DIP2C: variants seen among roughly 807,000 people sequenced by gnomAD.
DIP2C encodes the protein disco-interacting protein 2 homolog C.
In DIP2C, 33 loss-of-function variants were observed where a neutral mutation model predicts 192.4. That is an observed-to-expected ratio of 0.17 (90% confidence interval 0.13 to 0.23). The LOEUF is 0.23. Among genes scored for constraint, DIP2C ranks in the 10% least tolerant of loss-of-function variants. DIP2C has a pLI of 1.00. For missense variants in DIP2C, 1,537 were observed against 2,110.1 expected, an observed-to-expected ratio of 0.73 and a Z score of 5.32; for synonymous variants, 979 against 864.1, an observed-to-expected ratio of 1.13 and a Z score of -2.33.
chr10:578,813 GCATA>G lies in DIP2C; in HGVS notation c.86-92287_86-92284del, dbSNP rs780310052. Among the ~76,000 whole-genome samples the G allele has an allele frequency of 2.4e-4, 34 of 143,250 alleles. 1 individual carries two copies. Among genetic ancestry groups the G allele is most frequent in the East Asian group, 2.2e-3 (11 of 5,088 alleles). The allele number at this position is 143,250 out of a possible 152,430, so 94.0% of individuals were successfully genotyped here. A position where few individuals can be genotyped will look rare whatever the true frequency, so the allele number is the denominator to read the frequency against. On this transcript the variant is annotated intron_variant, in intron 1 of 36. Transcript: ENST00000280886. ...TAAGTGCACTATAACATGTGTGCAT[GCATA>G]GAGAGCACACACATCCAGATCCATA...
At chr10:627,490 C>T (rs1854270028) in intron 1 of DIP2C, among the ~76,000 whole-genome samples, 3 of 152,346 alleles carry the variant, frequency 2.0e-5, no homozygotes, top group Non-Finnish European at 2.9e-5. Flanking sequence ...ATCCAGCCGC[C>T]GGTTCTCACC....
chr10:328,343 C>T (rs1450930761), intron 30 of DIP2C, among the ~76,000 whole-genome samples: 4 of 152,178 alleles, frequency 2.6e-5, no homozygotes, highest in Non-Finnish European at 5.9e-5. Context: ...GTTCGTTCAG[C>T]CTAAGAACCT....
chr10:669,044 GA>G (rs1327081394), intron 1 of DIP2C: 1 of 152,080 alleles, frequency 6.6e-6, no homozygotes, highest in East Asian at 1.9e-4. Flanking sequence ...ACCGCGGCTG[GA>G]ACGGGGTTGG....
intron 1 of DIP2C, among the ~76,000 whole-genome samples, chr10:573,806 T>C (rs1019248277): frequency 2.6e-5 from 4 of 152,082 alleles, no homozygotes; most frequent in African/African-American, 7.2e-5. Context: ...AAAGAAACCA[T>C]TAACACGTTT....
chr10:356,504 G>C lies in DIP2C; in HGVS notation c.2907C>G (p.Phe969Leu). 6.2e-7 allele frequency: 1 copy of C among 1,611,110 alleles called. No homozygotes were observed. The highest frequency in any genetic ancestry group is 8.5e-7 in the Non-Finnish European group (1 of 1,179,100). The change falls in exon 24 of 37, where the codon TTC becomes TTG. Residue 969 changes from phenylalanine to leucine, a missense_variant and splice_region_variant. Transcript: ENST00000280886. ...QIEDNDQARK[F>L]LFLSEVLQWR... is the part of the protein sequence containing the mutation. Reference sequence around the variant, plus strand: ...ACTGCAAGACCTCTGAGAGGAACAGGAACTGGAACAGAGCACGGGCATGAG... The same window carrying C: ...ACTGCAAGACCTCTGAGAGGAACAGCAACTGGAACAGAGCACGGGCATGAG...
intron 18 of DIP2C, 145 bp from the exon 19 acceptor site, chr10:366,556 A>G (rs1426618224): frequency 8.8e-7 from 1 of 1,132,512 alleles, no homozygotes; most frequent in Non-Finnish European, 1.2e-6. Context: ...TCAGCCAGGC[A>G]CTCATTTTCC....
Position 363,747 on chromosome 10 carries a change from C to G in DIP2C, c.2478-436G>C, listed in dbSNP as rs1393092441. Among the ~76,000 whole-genome samples, 1 of 152,156 alleles carries G rather than the reference C, an allele frequency of 6.6e-6. No individual in the cohort carries two copies. Among genetic ancestry groups the G allele is most frequent in the East Asian group, 1.9e-4 (1 of 5,200 alleles). On this transcript the variant is annotated intron_variant, in intron 20 of 36. Coordinates refer to ENST00000280886, the MANE Select transcript of DIP2C (RefSeq NM_014974.3). This position sits in a 1 kb window ranked among gnomAD's most constrained non-coding sequence, Gnocchi z 5.4. ...GCTAAGTGTATGTGCCTTATACTGTCAGCACAGCACAGTCACCTCCAGTAA... is the reference window on the plus strand; with the variant it reads ...GCTAAGTGTATGTGCCTTATACTGTGAGCACAGCACAGTCACCTCCAGTAA...
chr10:349,310 A>C, intron 25 of DIP2C, 21 bp downstream of exon 25: 2 of 1,592,112 alleles, frequency 1.3e-6, no homozygotes, highest in Non-Finnish European at 1.7e-6. Context: ...CTCTCAGGGG[A>C]AGCCCACCCT....
chr10:654,741 G>A lies in DIP2C; in HGVS notation c.85+34753C>T, dbSNP rs577958176. 3.0e-3 allele frequency among the ~76,000 whole-genome samples: 457 copies of A among 152,152 alleles called. 1 individual carries two copies. Among genetic ancestry groups the A allele is most frequent in the Admixed American group, 6.9e-3 (105 of 15,276 alleles). Reference sequence around the variant, plus strand: ...TAAAGAAATATGAAGGGCCAGTAACGCCCCACTGAAGAACGCTCTCCTGGT... The same window carrying A: ...TAAAGAAATATGAAGGGCCAGTAACACCCCACTGAAGAACGCTCTCCTGGT... On this transcript the variant is annotated intron_variant, in intron 1 of 36. Coordinates refer to ENST00000280886, the MANE Select transcript of DIP2C (RefSeq NM_014974.3).
intron 1 of DIP2C, among the ~76,000 whole-genome samples, chr10:659,493 C>T (rs996233686): frequency 3.3e-5 from 5 of 152,210 alleles, no homozygotes; most frequent in South Asian, 2.1e-4. Flanking sequence ...CTTTACTGCA[C>T]ATTTCTTGAT....
chr10:560,369 A>G (rs557287782), intron 1 of DIP2C, among the ~76,000 whole-genome samples: 4 of 152,218 alleles, frequency 2.6e-5, no homozygotes, highest in African/African-American at 9.6e-5. Context: ...GAGACAAGCT[A>G]AACACAACCA....
intron 5 of DIP2C, among the ~76,000 whole-genome samples, chr10:420,020 C>T (rs919350487): frequency 6.6e-6 from 1 of 152,166 alleles, no homozygotes; most frequent in South Asian, 2.1e-4. Context: ...TGATGACGGG[C>T]GCCACGATGC....
At chr10:375,292 ATCTC>A (rs2132828444) in intron 17 of DIP2C, among the ~76,000 whole-genome samples, 1 of 152,206 alleles carries the variant, frequency 6.6e-6, no homozygotes, top group African/African-American at 2.4e-5. Context: ...TGCTCGCTCA[ATCTC>A]TCACCATGTG....
intron 1 of DIP2C, among the ~76,000 whole-genome samples, chr10:592,840 T>TG (rs1851481903): frequency 6.6e-6 from 1 of 151,572 alleles, no homozygotes; most frequent in Admixed American, 6.5e-5. Flanking sequence ...GAGCCGTCCC[T>TG]GCTCGTGTAG....
chr10:412,310 A>C (rs1306492282), intron 8 of DIP2C, among the ~76,000 whole-genome samples: 2 of 152,240 alleles, frequency 1.3e-5, no homozygotes, highest in Non-Finnish European at 2.9e-5. Context: ...CATGCACCCG[A>C]ACAGTTCGGC....
At chr10:606,790 G>A (rs1485342954) in intron 1 of DIP2C, among the ~76,000 whole-genome samples, 5 of 152,124 alleles carry the variant, frequency 3.3e-5, no homozygotes, top group Non-Finnish European at 7.3e-5. Context: ...GACCCAACCC[G>A]AGACCAGGGA....
chr10:581,448 A>AAAACC lies in DIP2C; in HGVS notation c.86-94919_86-94918insGGTTT, dbSNP rs1205883796. 6.0e-4 allele frequency among the ~76,000 whole-genome samples: 92 copies of AAAACC among 152,268 alleles called. No homozygotes were observed. In the East Asian group the frequency reaches 0.013, roughly 21 times the overall value. Reference sequence around the variant, plus strand: ...AAGCTGTCAAAGGTGCTAATCAAAAATGTACTTAGAGGTTTTTTTTAAAGT... The same window carrying AAAACC: ...AAGCTGTCAAAGGTGCTAATCAAAAAAAACCTGTACTTAGAGGTTTTTTTTAAAGT... On this transcript the variant is annotated intron_variant, in intron 1 of 36. Coordinates refer to ENST00000280886, the MANE Select transcript of DIP2C (RefSeq NM_014974.3).
At chr10:627,345 G>T (rs1426024163) in intron 1 of DIP2C, among the ~76,000 whole-genome samples, 1 of 152,234 alleles carries the variant, frequency 6.6e-6, no homozygotes, top group African/African-American at 2.4e-5. Context: ...CCCAGCATCT[G>T]GACCTGTGTC....
intron 34 of DIP2C, among the ~76,000 whole-genome samples, chr10:284,706 T>C (rs2132157444): frequency 6.6e-6 from 1 of 152,252 alleles, no homozygotes; most frequent in South Asian, 2.1e-4. Flanking sequence ...TATCACTTAA[T>C]TGAAATTTGA....
Sources: gnomAD v4.1 joint callset for allele counts (sites outside exome capture counted in the v4.1 genomes callset) on GRCh38, gnomAD v4.1.1 for gene constraint, Gnocchi (gnomAD v3.1) non-coding constraint, MANE v1.5 for transcripts, NCBI Gene and HGNC (gene_info 2026-07-23, HGNC 2026-07-21) for gene names.